Variants in GTPBP6 observed in about 807,000 individuals in gnomAD.
GTPBP6 encodes the protein putative GTP-binding protein 6.
A neutral mutation model predicts 28.9 loss-of-function variants in GTPBP6; 33 were observed. That is an observed-to-expected ratio of 1.14 (90% confidence interval 0.87 to 1.53). GTPBP6 has a LOEUF of 1.53. GTPBP6 is among the 40% of genes most tolerant of loss of function. The pLI, the probability that GTPBP6 is intolerant of heterozygous loss-of-function variation, is 0.00. For synonymous variants in GTPBP6, 231 were observed against 192.7 expected, an observed-to-expected ratio of 1.20 and a Z score of -1.65; for missense variants, 507 against 408.3, an observed-to-expected ratio of 1.24 and a Z score of -2.08.
chrX:317,075 TGA>T (rs2070452163), intron 1 of GTPBP6, 24 bp from the exon 2 acceptor site: 1 of 397,940 alleles, frequency 2.5e-6, no homozygotes, highest in South Asian at 1.3e-4. Flanking sequence ...AGGGCCACCG[TGA>T]GAGACGCTTC....
At chrX:311,875 G>A (rs1477945388) in intron 6 of GTPBP6, 30 of 606,128 alleles carry the variant, frequency 4.9e-5, no homozygotes, top group South Asian at 3.1e-4. Flanking sequence ...GTGGACGGGT[G>A]TGCGTGTGAA....
chrX:318,620 G>A, exon 1 of GTPBP6: 1 of 397,850 alleles, frequency 2.5e-6, no homozygotes, highest in Non-Finnish European at 4.4e-6. Context: ...CCGCCCGCAG[G>A]CCCCGCCCTC....
In GTPBP6 at chrX:316,279, TA is replaced by T. The variant is rs1399929371; in HGVS notation, c.487+634del. Among the ~76,000 whole-genome samples the T allele has an allele frequency of 1.7e-4, 3 of 17,590 alleles. 1 individual carries two copies. The highest frequency in any genetic ancestry group is 4.5e-4 in the Non-Finnish European group (3 of 6,630). 11.5% of individuals were successfully genotyped at this position (17,590 alleles called of 152,430 possible). A position where few individuals can be genotyped will look rare whatever the true frequency, so the allele number is the denominator to read the frequency against. ...GACACACACACAGACACACACACAG[TA>T]AATACATCCCGACAGGGACAGACAC... On this transcript the variant is annotated intron_variant, in intron 2 of 9. Transcript: ENST00000326153.
chrX:318,499 G>T, exon 1 of GTPBP6: 1 of 398,394 alleles, frequency 2.5e-6, no homozygotes, highest in Non-Finnish European at 4.4e-6. Context: ...AGACACACGC[G>T]CTGGGTCCCC....
At chrX:313,842 C>G (rs1198740467) in intron 5 of GTPBP6, among the ~76,000 whole-genome samples, 1 of 152,088 alleles carries the variant, frequency 6.6e-6, no homozygotes, top group African/African-American at 2.4e-5. Context: ...GTTTTGGTGT[C>G]CAGGAGGGGA....
intron 5 of GTPBP6, among the ~76,000 whole-genome samples, chrX:313,751 ATG>A (rs1470853580): frequency 1.1e-3 from 162 of 152,058 alleles, no homozygotes; most frequent in African/African-American, 3.7e-3. Context: ...AAACCCAGGG[ATG>A]CCTGGAGCCC....
intron 5 of GTPBP6, among the ~76,000 whole-genome samples, chrX:313,160 C>T (rs182568938): frequency 2.6e-5 from 4 of 152,332 alleles, no homozygotes; most frequent in African/African-American, 9.6e-5. Flanking sequence ...GAGGGCTTCC[C>T]GTGACTCGGG....
chrX:311,681 A>T (rs2070303738), intron 6 of GTPBP6, 54 bp from the exon 7 acceptor site: 1 of 1,409,298 alleles, frequency 7.1e-7, no homozygotes, highest in Non-Finnish European at 1.0e-6. Context: ...CCCAACTCCT[A>T]GCGCCGCAGC....
intron 7 of GTPBP6, among the ~76,000 whole-genome samples, chrX:311,134 G>C (rs28547070): frequency 0.022 from 3,089 of 138,606 alleles, 90 homozygotes; most frequent in African/African-American, 0.075. Flanking sequence ...TGGGAGGCTT[G>C]GGGGACACTA....
At position 313,052 on chromosome X, in the gene GTPBP6, T is replaced by G. The variant is rs921276810; in HGVS notation, c.758-128A>C. On this transcript the variant is annotated intron_variant, in intron 5 of 9. Coordinates refer to ENST00000326153, the Ensembl canonical transcript of GTPBP6. ...TCCAGCATCTGGGGGCCCGGCTGCT[T>G]TCCCCAGCAGCGGCCCCGACACGTC... 23 of 746,972 alleles carry G rather than the reference T, an allele frequency of 3.1e-5. No homozygotes were observed. In the African/African-American group the frequency reaches 3.6e-4, roughly 12 times the overall value. The allele number at this position is 746,972 out of a possible 1,614,324, so 46.3% of individuals were successfully genotyped here. A position where few individuals can be genotyped will look rare whatever the true frequency, so the allele number is the denominator to read the frequency against.
chrX:311,139 A>T (rs901928354), intron 7 of GTPBP6, among the ~76,000 whole-genome samples: 1 of 128,940 alleles, frequency 7.8e-6, no homozygotes, highest in African/African-American at 3.0e-5. Context: ...GGCTTGGGGG[A>T]CACTAAGTCT....
rs369576896 is a variant in GTPBP6, at chrX:311,668, C to T, written c.917-41G>A. 119 of 1,478,110 alleles carry T rather than the reference C, an allele frequency of 8.1e-5. No homozygotes were observed. The Admixed American group carries it at 9.7e-4, about 12-fold the overall frequency. 91.6% of individuals were successfully genotyped at this position (1,478,110 alleles called of 1,614,324 possible). On this transcript the variant is annotated intron_variant, in intron 6 of 9. Transcript: ENST00000326153. The stretch of plus-strand genomic sequence containing the variant: ...GGTCAGGGCGCTGCAGAGATCCCTG[C>T]GTCCCAACTCCTAGCGCCGCAGCCA...
chrX:315,679 A>G (rs1310656329), intron 2 of GTPBP6, among the ~76,000 whole-genome samples: 1 of 32,072 alleles, frequency 3.1e-5, no homozygotes, highest in Admixed American at 3.4e-4. Context: ...CAGGGACACA[A>G]ACACATACAC....
chrX:312,575 C>T (rs1312357929), intron 6 of GTPBP6, 191 bp downstream of exon 6: 3 of 716,402 alleles, frequency 4.2e-6, no homozygotes, highest in Non-Finnish European at 7.5e-6. Flanking sequence ...AAACCCGTCT[C>T]CTGGGTGAGC....
exon 10 of GTPBP6, chrX:305,154 G>A: frequency 6.2e-7 from 1 of 1,613,668 alleles, no homozygotes; most frequent in Non-Finnish European, 8.5e-7. Flanking sequence ...CCGTCCTCAG[G>A]GATCACGTCC....
chrX:313,586 G>A (rs757889446), intron 5 of GTPBP6, among the ~76,000 whole-genome samples: 15 of 152,196 alleles, frequency 9.9e-5, no homozygotes, highest in Admixed American at 9.8e-4. Flanking sequence ...TAAGGTGTTT[G>A]TCATAACTGA....
chrX:315,010 T>G, exon 4 of GTPBP6: 1 of 398,628 alleles, frequency 2.5e-6, no homozygotes, highest in Non-Finnish European at 4.4e-6. Context: ...CCAGGCGGCT[T>G]CCAGTTCTTT....
chrX:307,085 G>T (rs929907698), intron 9 of GTPBP6, among the ~76,000 whole-genome samples: 32 of 150,534 alleles, frequency 2.1e-4, no homozygotes, highest in African/African-American at 6.9e-4. Context: ...CCCGTTGTAT[G>T]CAGTCAGAAA....
At chrX:308,879 G>A (rs1218204809) in intron 7 of GTPBP6, among the ~76,000 whole-genome samples, 1 of 151,784 alleles carries the variant, frequency 6.6e-6, no homozygotes, top group Non-Finnish European at 1.5e-5. Flanking sequence ...GGGACTACAG[G>A]CACCCGCCAC....
Sources: allele counts gnomAD v4.1 joint callset (sites outside exome capture counted in the v4.1 genomes callset), GRCh38; gene constraint gnomAD v4.1.1; transcripts MANE v1.5; gene names NCBI Gene and HGNC (gene_info 2026-07-23, HGNC 2026-07-21).